Variants in IL10RB observed in about 807,000 individuals in gnomAD.
IL10RB encodes the protein interleukin-10 receptor subunit beta.
IL10RB carries 30 observed loss-of-function variants against 38.7 expected under a neutral mutation model. The observed-to-expected ratio is 0.78, with a 90% CI of 0.58 to 1.05. The LOEUF (loss-of-function observed/expected upper bound fraction) is 1.05. Among genes scored for constraint, IL10RB ranks in the 50% least tolerant of loss-of-function variants. The pLI is 0.00. For synonymous variants in IL10RB, 142 were observed against 145.9 expected (o/e 0.97, Z 0.19); for missense variants, 328 against 397.1 (o/e 0.83, Z 1.48).
At chr21:33,290,068 C>T (rs8178536) in intron 6 of IL10RB, among the ~76,000 whole-genome samples, 1,602 of 151,750 alleles carry the variant, frequency 0.011, 31 homozygotes, top group African/African-American at 0.037. Context: ...GAGCCAAGAT[C>T]GCGCCACTGC....
At chr21:33,280,966 A>G (rs1989270018) in intron 4 of IL10RB, among the ~76,000 whole-genome samples, 4 of 152,242 alleles carry the variant, frequency 2.6e-5, no homozygotes, top group African/African-American at 9.6e-5. Flanking sequence ...TAGGTAACTT[A>G]TAAACACTAG....
intron 6 of IL10RB, among the ~76,000 whole-genome samples, chr21:33,289,998 C>G (rs28741380): frequency 0.021 from 3,161 of 152,240 alleles, 50 homozygotes; most frequent in Non-Finnish European, 0.034. Flanking sequence ...CCTGTAGTCC[C>G]AGCTCCTCGG....
intron 5 of IL10RB, among the ~76,000 whole-genome samples, chr21:33,284,061 C>T (rs1042127790): frequency 5.3e-5 from 8 of 152,002 alleles, no homozygotes; most frequent in Admixed American, 1.3e-4. Context: ...TTTGAGAGGC[C>T]GAGGCGGGCG....
rs1441460529 is a variant in IL10RB at position 33,293,174 on chromosome 21, T to C, written c.805-3010T>C. Among the ~76,000 whole-genome samples, 6 of 152,346 alleles carry C rather than the reference T, an allele frequency of 3.9e-5. No homozygotes were observed. In the East Asian group the frequency reaches 1.2e-3, roughly 29 times the overall value. On this transcript the variant is annotated intron_variant, in intron 6 of 6. Transcript: ENST00000290200. ...TCTACAGGGTGAGTTTCTCACCCTC[T>C]GCAGTGTGTGTGCCTCACCAATGCC...
chr21:33,297,441 A>C (rs1039985463), downstream of IL10RB, among the ~76,000 whole-genome samples: 2 of 152,144 alleles, frequency 1.3e-5, no homozygotes. Context: ...AAAAAAAAAA[A>C]AACCTAGAAA....
chr21:33,276,798 C>A (rs1324630755), intron 3 of IL10RB, 45 bp downstream of exon 3: 5 of 1,568,978 alleles, frequency 3.2e-6, no homozygotes, highest in Non-Finnish European at 3.5e-6. Flanking sequence ...CATCATCTTG[C>A]CTTGTTTTTT....
intron 3 of IL10RB, 150 bp downstream of exon 3, chr21:33,276,903 T>A: frequency 1.5e-6 from 1 of 667,560 alleles, no homozygotes; most frequent in Middle Eastern, 2.9e-4. Flanking sequence ...AAGAGAGTTG[T>A]ATCCCTAAAG....
At chr21:33,300,826 G>A (rs1395584096), downstream of IL10RB, among the ~76,000 whole-genome samples, 3 of 152,186 alleles carry the variant, frequency 2.0e-5, no homozygotes, top group Non-Finnish European at 2.9e-5. Context: ...GAACCAGAGC[G>A]ACTCCATCTT....
intron 6 of IL10RB, among the ~76,000 whole-genome samples, chr21:33,293,121 T>C (rs773461896): frequency 3.9e-5 from 6 of 152,228 alleles, no homozygotes; most frequent in Non-Finnish European, 7.3e-5. Flanking sequence ...TCCCCTCAAA[T>C]ATCACAGATG....
chr21:33,271,178 A>T (rs1601827792), intron 2 of IL10RB, among the ~76,000 whole-genome samples: 2 of 152,244 alleles, frequency 1.3e-5, no homozygotes, highest in South Asian at 2.1e-4. Context: ...CTTGGGGAAG[A>T]TATTTGATCC....
chr21:33,283,688 G>A (rs1259813803), intron 5 of IL10RB, among the ~76,000 whole-genome samples: 1 of 152,222 alleles, frequency 6.6e-6, no homozygotes, highest in Non-Finnish European at 1.5e-5. Flanking sequence ...ACGGTCCTCA[G>A]CCAGTGCTGC....
At chr21:33,268,002 T>C (rs1989004592) in intron 1 of IL10RB, 1 of 339,420 alleles carries the variant, frequency 2.9e-6, no homozygotes, top group Admixed American at 4.1e-5. Flanking sequence ...TGAGCTCCAA[T>C]CGGGGCACCA....
chr21:33,280,304 C>G (rs1305911707), intron 4 of IL10RB, among the ~76,000 whole-genome samples: 2 of 152,192 alleles, frequency 1.3e-5, no homozygotes, highest in African/African-American at 2.4e-5. Flanking sequence ...AAGACAGCCC[C>G]TTGTTGCTCT....
intron 1 of IL10RB, chr21:33,267,840 G>A (rs1386311214): frequency 1.2e-5 from 2 of 169,276 alleles, no homozygotes; most frequent in Admixed American, 1.1e-4. Context: ...CTATTAAAAG[G>A]TTTGAAAATA....
chr21:33,304,887 C>T (rs1283898911), intron 1 of IL10RB, among the ~76,000 whole-genome samples: 1 of 152,174 alleles, frequency 6.6e-6, no homozygotes, highest in Non-Finnish European at 1.5e-5. Flanking sequence ...TCAGGCTGTA[C>T]TATCAAGATA....
downstream of IL10RB, among the ~76,000 whole-genome samples, chr21:33,301,120 T>C (rs918850414): frequency 2.6e-5 from 4 of 152,184 alleles, no homozygotes; most frequent in East Asian, 5.8e-4. Flanking sequence ...CTGGGCATGC[T>C]GCCTCACTGT....
At chr21:33,268,919 T>C (rs1203936377) in intron 2 of IL10RB, among the ~76,000 whole-genome samples, 1 of 152,102 alleles carries the variant, frequency 6.6e-6, no homozygotes, top group African/African-American at 2.4e-5. Context: ...GTCAGCAATG[T>C]TGAGTGGATG....
At chr21:33,297,512 A>T (rs1333665873), downstream of IL10RB, among the ~76,000 whole-genome samples, 1 of 152,162 alleles carries the variant, frequency 6.6e-6, no homozygotes, top group African/African-American at 2.4e-5. Context: ...CAGATTAGAC[A>T]CAGAACTGAG....
At chr21:33,280,311 C>T (rs958130168) in intron 4 of IL10RB, among the ~76,000 whole-genome samples, 1 of 152,198 alleles carries the variant, frequency 6.6e-6, no homozygotes, top group Non-Finnish European at 1.5e-5. Flanking sequence ...CCCCTTGTTG[C>T]TCTATTCTTC....
Sources: allele counts gnomAD v4.1 joint callset (sites outside exome capture counted in the v4.1 genomes callset), GRCh38; gene constraint gnomAD v4.1.1; transcripts MANE v1.5; gene names NCBI Gene and HGNC (gene_info 2026-07-23, HGNC 2026-07-21).